Variants in ASIC2 observed in about 807,000 individuals in gnomAD.
The protein encoded by ASIC2 is acid sensing ion channel subunit 2, also known as acid-sensing ion channel 2.
ASIC2 carries 25 observed loss-of-function variants against 57.3 expected under a neutral mutation model. That is an observed-to-expected ratio of 0.44 (90% CI 0.32 to 0.61). The LOEUF (loss-of-function observed/expected upper bound fraction) is 0.61, where lower values mean the gene tolerates loss of function less well. Among genes scored for constraint, ASIC2 ranks in the 20% least tolerant of loss-of-function variants. The probability of loss-of-function intolerance (pLI) is 0.06; values close to 1 mark genes in which losing one functional copy is unlikely to be tolerated. For synonymous variants in ASIC2, 319 were observed against 307.5 expected (o/e 1.04, Z -0.39); for missense variants, 641 against 738.1 (o/e 0.87, Z 1.52).
At chr17:33,913,001 TTAAA>T (rs983584741) in intron 1 of ASIC2, among the ~76,000 whole-genome samples, 10 of 151,898 alleles carry the variant, frequency 6.6e-5, no homozygotes, top group South Asian at 6.3e-4. Context: ...TAATAATAAA[TTAAA>T]TAAATAAATA....
At chr17:33,237,686 T>G (rs1463092258) in intron 1 of ASIC2, among the ~76,000 whole-genome samples, 3 of 152,176 alleles carry the variant, frequency 2.0e-5, no homozygotes, top group Non-Finnish European at 2.9e-5. Flanking sequence ...AGTTTTCATA[T>G]CTCTACAATA....
rs140189404 is a variant in ASIC2, at chr17:33,532,067, G to A, written c.556-420000C>T. On this transcript the variant is annotated intron_variant, in intron 1 of 9. Transcript: ENST00000359872. ...CCACTTTCTTCTTGCTTCCAGGGAG[G>A]TGGGTCTGTGTCTGTGGCTGGATGC... is the stretch of plus-strand genomic sequence containing the variant. Among the ~76,000 whole-genome samples the A allele has an allele frequency of 4.6e-3, 699 of 152,284 alleles. 6 individuals carry two copies. The highest frequency in any genetic ancestry group is 0.016 in the African/African-American group (669 of 41,560).
intron 1 of ASIC2, among the ~76,000 whole-genome samples, chr17:33,177,577 C>T (rs1905810282): frequency 6.6e-6 from 1 of 152,166 alleles, no homozygotes; most frequent in Non-Finnish European, 1.5e-5. Context: ...ATATGACCCA[C>T]ATTCTGCTTC....
intron 1 of ASIC2, among the ~76,000 whole-genome samples, chr17:33,168,336 A>G (rs993342529): frequency 2.0e-5 from 3 of 152,240 alleles, no homozygotes; most frequent in African/African-American, 7.2e-5. Flanking sequence ...AGTAATGGGT[A>G]GAGGCTGAAA....
At chr17:33,530,503 C>T (rs780383256) in intron 1 of ASIC2, among the ~76,000 whole-genome samples, 1 of 152,256 alleles carries the variant, frequency 6.6e-6, no homozygotes, top group Non-Finnish European at 1.5e-5. Flanking sequence ...TGCCCACAGA[C>T]ACTGCCAGAC....
intron 1 of ASIC2, among the ~76,000 whole-genome samples, chr17:33,466,816 T>A (rs1912881327): frequency 1.3e-5 from 2 of 152,162 alleles, no homozygotes; most frequent in Non-Finnish European, 2.9e-5. Flanking sequence ...ACTGGATCCC[T>A]TCCTTACACC....
intron 1 of ASIC2, among the ~76,000 whole-genome samples, chr17:33,484,999 GC>G (rs1913530214): frequency 6.6e-6 from 1 of 152,240 alleles, no homozygotes; most frequent in African/African-American, 2.4e-5. Context: ...TAACACTGCT[GC>G]TTCAAGAAAG....
intron 1 of ASIC2, among the ~76,000 whole-genome samples, chr17:33,223,868 G>T (rs9909547): frequency 0.71 from 108,692 of 152,086 alleles, 39,073 homozygotes; most frequent in Middle Eastern, 0.8. Flanking sequence ...GGATCACAGA[G>T]AGTAGAGACC....
chr17:33,334,437 T>G (rs320633), intron 1 of ASIC2, among the ~76,000 whole-genome samples: 1 of 152,046 alleles, frequency 6.6e-6, no homozygotes, highest in Non-Finnish European at 1.5e-5. Context: ...TGCAGCGGCT[T>G]CAGGTGTGGG....
intron 1 of ASIC2, among the ~76,000 whole-genome samples, chr17:33,790,576 T>C (rs909646015): frequency 3.3e-5 from 5 of 152,194 alleles, no homozygotes; most frequent in African/African-American, 1.2e-4. Flanking sequence ...TATGAGCCAA[T>C]TCCAGTCTGT....
intron 1 of ASIC2, among the ~76,000 whole-genome samples, chr17:33,781,374 G>A (rs546080857): frequency 9.2e-5 from 14 of 152,212 alleles, no homozygotes; most frequent in African/African-American, 3.4e-4. Context: ...TTGCTTTCTG[G>A]AACACTAAGA....
At chr17:33,662,350 G>A (rs1318882886) in intron 1 of ASIC2, among the ~76,000 whole-genome samples, 1 of 152,126 alleles carries the variant, frequency 6.6e-6, no homozygotes, top group African/African-American at 2.4e-5. Flanking sequence ...GCCAGGCATG[G>A]TGGCTCACGC....
chr17:34,152,379 G>T (rs1482862237), intron 1 of ASIC2, among the ~76,000 whole-genome samples: 1 of 152,070 alleles, frequency 6.6e-6, no homozygotes, highest in African/African-American at 2.4e-5. Context: ...CCATGTCCTG[G>T]ACACAAGCAG....
intron 2 of ASIC2, among the ~76,000 whole-genome samples, chr17:33,091,507 C>T (rs2092157587): frequency 1.3e-5 from 2 of 152,124 alleles, no homozygotes; most frequent in Admixed American, 6.5e-5. Flanking sequence ...AAGACAGGCT[C>T]AAAAGAGAGG....
At chr17:33,523,856 G>T (rs1914813331) in intron 1 of ASIC2, among the ~76,000 whole-genome samples, 1 of 152,134 alleles carries the variant, frequency 6.6e-6, no homozygotes, top group Non-Finnish European at 1.5e-5. Context: ...AGAACAGCTG[G>T]GACGGAGGGG....
At chr17:33,919,647 G>T (rs1469902478) in intron 1 of ASIC2, among the ~76,000 whole-genome samples, 2 of 152,192 alleles carry the variant, frequency 1.3e-5, no homozygotes, top group South Asian at 2.1e-4. Context: ...AAAAGCAATT[G>T]CAACAAAAGC....
intron 1 of ASIC2, among the ~76,000 whole-genome samples, chr17:33,739,734 G>C (rs1910036693): frequency 6.6e-6 from 1 of 150,442 alleles, no homozygotes; most frequent in African/African-American, 2.5e-5. Context: ...AAACATGTGT[G>C]TTATAACCAC....
At chr17:33,604,673 G>A (rs1699369526) in intron 1 of ASIC2, among the ~76,000 whole-genome samples, 1 of 152,100 alleles carries the variant, frequency 6.6e-6, no homozygotes, top group African/African-American at 2.4e-5. Context: ...GGAGGTGGCT[G>A]GAGGAAGAGC....
intron 1 of ASIC2, among the ~76,000 whole-genome samples, chr17:33,302,977 G>A (rs993438425): frequency 2.4e-4 from 37 of 152,200 alleles, no homozygotes; most frequent in African/African-American, 7.5e-4. Context: ...AGATTAAATC[G>A]TAATGGCCAT....
Sources: allele counts gnomAD v4.1 joint callset (sites outside exome capture counted in the v4.1 genomes callset), GRCh38; gene constraint gnomAD v4.1.1; transcripts MANE v1.5; gene names NCBI Gene and HGNC (gene_info 2026-07-23, HGNC 2026-07-21).